Variants in XYLT1 observed in about 807,000 individuals in gnomAD.
The protein encoded by XYLT1 is xylosyltransferase 1.
Under a neutral mutation model 91.3 loss-of-function variants are expected in XYLT1, and 36 were observed. That is an observed-to-expected ratio of 0.39 (90% CI 0.30 to 0.52). The LOEUF is 0.52. XYLT1 is among the 20% of genes least tolerant of loss of function. The pLI is 0.68. For synonymous variants in XYLT1, 588 were observed against 532.0 expected, an observed-to-expected ratio of 1.11 and a Z score of -1.45; for missense variants, 1,242 against 1,284.5, an observed-to-expected ratio of 0.97 and a Z score of 0.51.
chr16:17,355,631 T>C (rs72781557), intron 2 of XYLT1, among the ~76,000 whole-genome samples: 32,097 of 151,970 alleles, frequency 0.21, 3,678 homozygotes, highest in Middle Eastern at 0.28. Context: ...AATATATAAC[T>C]AGCCCTTCAA....
chr16:17,185,838 TA>T (rs2032171704), intron 5 of XYLT1, among the ~76,000 whole-genome samples: 1 of 152,078 alleles, frequency 6.6e-6, no homozygotes, highest in South Asian at 2.1e-4. Context: ...TTGTCTCTAC[TA>T]AAAATACAAA....
intron 5 of XYLT1, among the ~76,000 whole-genome samples, chr16:17,173,005 G>A (rs540952670): frequency 7.2e-5 from 11 of 151,974 alleles, no homozygotes; most frequent in African/African-American, 2.2e-4. Flanking sequence ...CTCCTTCTGC[G>A]CTCCTATGGT....
chr16:17,140,658 CA>C (rs71137974), intron 7 of XYLT1, among the ~76,000 whole-genome samples: 1 of 68,028 alleles, frequency 1.5e-5, no homozygotes, highest in African/African-American at 5.8e-5. Context: ...AAGACTGTCT[CA>C]AAAAAAAAAA....
chr16:17,316,823 A>AT (rs879309501), intron 2 of XYLT1, among the ~76,000 whole-genome samples: 9,913 of 131,214 alleles, frequency 0.076, 945 homozygotes, highest in African/African-American at 0.22. Context: ...CCACAGGCAG[A>AT]TTTTTTTTTT....
In XYLT1 at chr16:17,439,107, C is replaced by T. The variant is rs547342364; in HGVS notation, c.363+31327G>A. ...TAAATACAGAAATTTAAGCTGTTATCAAATCATTGTCATCATCATAGTGGC... is the reference window on the plus strand; with the variant it reads ...TAAATACAGAAATTTAAGCTGTTATTAAATCATTGTCATCATCATAGTGGC... On this transcript the variant is annotated intron_variant, in intron 1 of 11. Coordinates refer to ENST00000261381, the MANE Select transcript of XYLT1 (RefSeq NM_022166.4). Among the ~76,000 whole-genome samples the T allele has an allele frequency of 2.0e-4, 30 of 152,272 alleles. No individual in the cohort carries two copies. The South Asian group carries it at 5.6e-3, about 28-fold the overall frequency.
chr16:17,460,823 T>C (rs891523587), intron 1 of XYLT1, among the ~76,000 whole-genome samples: 1 of 152,208 alleles, frequency 6.6e-6, no homozygotes, highest in African/African-American at 2.4e-5. Flanking sequence ...TAACACACCG[T>C]GTGGACAAAA....
chr16:17,393,557 A>G (rs2035846720), intron 1 of XYLT1, among the ~76,000 whole-genome samples: 1 of 152,140 alleles, frequency 6.6e-6, no homozygotes, highest in African/African-American at 2.4e-5. Context: ...TCATGCTGTC[A>G]TATCTCAATG....
intron 5 of XYLT1, among the ~76,000 whole-genome samples, chr16:17,186,339 G>A (rs2032182067): frequency 6.6e-6 from 1 of 152,098 alleles, no homozygotes; most frequent in Non-Finnish European, 1.5e-5. Flanking sequence ...CTCACCTCAG[G>A]TGATCTGCCT....
At chr16:17,321,366 T>TTTTTTTTTTTTG (rs2034718157) in intron 2 of XYLT1, among the ~76,000 whole-genome samples, 1 of 125,232 alleles carries the variant, frequency 8.0e-6, no homozygotes, top group Non-Finnish European at 1.6e-5. Context: ...TTTTTTTTTT[T>TTTTTTTTTTTTG]TTTTTTTTTT....
At chr16:17,359,455 T>C (rs1345223525) in intron 1 of XYLT1, among the ~76,000 whole-genome samples, 2 of 152,060 alleles carry the variant, frequency 1.3e-5, no homozygotes, top group Admixed American at 1.3e-4. Context: ...TTCTGAGGAG[T>C]GTAAGAGGCA....
chr16:17,205,605 G>A (rs2032628196), intron 3 of XYLT1, among the ~76,000 whole-genome samples: 3 of 152,164 alleles, frequency 2.0e-5, no homozygotes, highest in South Asian at 2.1e-4. Context: ...TACTGTCATA[G>A]CCATCATTTC....
At chr16:17,405,929 A>C (rs568431782) in intron 1 of XYLT1, among the ~76,000 whole-genome samples, 1 of 152,322 alleles carries the variant, frequency 6.6e-6, no homozygotes, top group East Asian at 1.9e-4. Flanking sequence ...TCACGCCTGA[A>C]ATCCCAGCAC....
intron 1 of XYLT1, among the ~76,000 whole-genome samples, chr16:17,386,030 C>G (rs995974211): frequency 2.6e-5 from 4 of 152,068 alleles, no homozygotes; most frequent in African/African-American, 9.7e-5. Context: ...TGCCACAGAG[C>G]CAACACGATA....
rs762539720 is a variant in XYLT1, at chr16:17,198,414, G to A, written c.1087C>T (p.Arg363Cys). The A allele has an allele frequency of 7.4e-6, 12 of 1,613,676 alleles. No individual in the cohort carries two copies. Among genetic ancestry groups the A allele is most frequent in the South Asian group, 5.5e-5 (5 of 91,028 alleles). Residue 363 changes from arginine to cysteine, a missense_variant and splice_region_variant, in exon 5 of 12, where the codon CGC (arginine) becomes TGC (cysteine). Physicochemically the swap from Arg to Cys is radical, Grantham distance 180. Around this residue, in one of 3 missense-constraint regions of XYLT1, gnomAD observed 294 missense variants for 376.0 expected, o/e 0.78. Coordinates refer to ENST00000261381, the MANE Select transcript of XYLT1 (RefSeq NM_022166.4). ...ACTTGCCGATGCAGGTAATTAGAGC[G>A]CTTTTCCCAGGAGAGAAAGGGTGAT... ...DHFYYIHVDKRSNYLHRQVLQ... is the reference protein window; with the variant it reads ...DHFYYIHVDKCSNYLHRQVLQ...
At chr16:17,185,312 A>G (rs2032160198) in intron 5 of XYLT1, among the ~76,000 whole-genome samples, 1 of 152,260 alleles carries the variant, frequency 6.6e-6, no homozygotes, top group African/African-American at 2.4e-5. Context: ...AATTACTGGC[A>G]TGTTTTTCCA....
At chr16:17,439,023 T>C (rs910350826) in intron 1 of XYLT1, among the ~76,000 whole-genome samples, 1 of 152,200 alleles carries the variant, frequency 6.6e-6, no homozygotes, top group African/African-American at 2.4e-5. Flanking sequence ...GATCTGATCA[T>C]TGAAATTAAA....
At chr16:17,337,858 C>G (rs916189819) in intron 2 of XYLT1, among the ~76,000 whole-genome samples, 6 of 149,426 alleles carry the variant, frequency 4.0e-5, no homozygotes, top group African/African-American at 1.5e-4. Context: ...TCGGCTCACT[C>G]CAGCTTCTGT....
intron 1 of XYLT1, among the ~76,000 whole-genome samples, chr16:17,391,834 C>T (rs767413520): frequency 2.0e-5 from 3 of 152,264 alleles, no homozygotes; most frequent in Admixed American, 6.5e-5. Context: ...GTAAGTCTCA[C>T]GAGATCTGAT....
chr16:17,296,513 C>T (rs753923754), intron 2 of XYLT1, among the ~76,000 whole-genome samples: 3 of 152,154 alleles, frequency 2.0e-5, no homozygotes, highest in Non-Finnish European at 2.9e-5. Context: ...GCTAATCAGC[C>T]AAGGCCCCAG....
Sources: gnomAD v4.1 joint callset for allele counts (sites outside exome capture counted in the v4.1 genomes callset) on GRCh38, gnomAD v4.1.1 for gene constraint, gnomAD v4.1.1 regional missense constraint, MANE v1.5 for transcripts, NCBI Gene and HGNC (gene_info 2026-07-23, HGNC 2026-07-21) for gene names.